HLA-DQB1: variants seen among roughly 807,000 people sequenced by gnomAD.
HLA-DQB1 encodes the protein major histocompatibility complex, class II, DQ beta 1.
A neutral mutation model predicts 26.4 loss-of-function variants in HLA-DQB1; 13 were observed. The observed-to-expected ratio is 0.49, with a 90% CI of 0.32 to 0.78. The LOEUF is 0.78. Among genes scored for constraint, HLA-DQB1 ranks in the 30% least tolerant of loss-of-function variants. HLA-DQB1 has a pLI of 0.03. For missense variants in HLA-DQB1, 158 were observed against 326.2 expected, an observed-to-expected ratio of 0.48 and a Z score of 3.97; for synonymous variants, 60 against 129.1, an observed-to-expected ratio of 0.46 and a Z score of 3.63.
intron 1 of HLA-DQB1, among the ~76,000 whole-genome samples, chr6:32,665,617 C>A (rs9274458): frequency 0.22 from 28,655 of 128,148 alleles, 5,478 homozygotes; most frequent in South Asian, 0.26. Context: ...AGGACCTACA[C>A]CTCTGAGTCC....
At chr6:32,660,781 G>C in intron 4 of HLA-DQB1, 1 of 789,688 alleles carries the variant, frequency 1.3e-6, no homozygotes, top group Non-Finnish European at 2.0e-6. Flanking sequence ...ATGGACCACT[G>C]TGGTCAGGTA....
At chr6:32,665,822 A>C (rs281861399) in intron 1 of HLA-DQB1, among the ~76,000 whole-genome samples, 1 of 61,560 alleles carries the variant, frequency 1.6e-5, no homozygotes, top group African/African-American at 5.2e-5. Context: ...AGTTATATAA[A>C]GTATTGTTCT....
chr6:32,660,648 T>C, intron 4 of HLA-DQB1: 1 of 428,744 alleles, frequency 2.3e-6, no homozygotes, highest in South Asian at 2.9e-5. Flanking sequence ...TGGCTCCACA[T>C]TTCACAAGAA....
chr6:32,660,604 A>C, intron 4 of HLA-DQB1: 1 of 404,602 alleles, frequency 2.5e-6, no homozygotes, highest in Non-Finnish European at 4.4e-6. Flanking sequence ...CAAAGTGGGC[A>C]TCATCCTAGT....
chr6:32,661,976 C>T (rs9273918), exon 3 of HLA-DQB1: 26 of 1,547,114 alleles, frequency 1.7e-5, no homozygotes, highest in South Asian at 2.3e-5. Flanking sequence ...CGCCACTCCA[C>T]GGTGATGGGG....
At chr6:32,662,082 A>G (rs1049130) in exon 3 of HLA-DQB1, 662,509 of 1,325,790 alleles carry the variant, frequency 0.5, 209,468 homozygotes, top group East Asian at 0.8. Flanking sequence ...TCCAGTCACC[A>G]TTCCTAATAA....
At chr6:32,664,487 A>T in intron 2 of HLA-DQB1, 1 of 170,472 alleles carries the variant, frequency 5.9e-6, no homozygotes, top group Non-Finnish European at 1.1e-5. Flanking sequence ...TGCTTAGCGA[A>T]GGTAAGGTAC....
At chr6:32,665,113 C>CCGGCTGCG (rs1554169935) in intron 1 of HLA-DQB1, 46 bp from the exon 2 acceptor site, 4 of 931,880 alleles carry the variant, frequency 4.3e-6, no homozygotes, top group South Asian at 3.7e-5. Context: ...GCCCGGCCGC[C>CCGGCTGCG]CCCGCAGCCG....
At chr6:32,663,570 T>A (rs281874936) in intron 2 of HLA-DQB1, 1 of 111,156 alleles carries the variant, frequency 9.0e-6, no homozygotes, top group African/African-American at 3.4e-5. Context: ...GGTGAGTAAT[T>A]GTGGGCTGAT....
rs750855857 is a variant in HLA-DQB1 at position 32,664,971 on chromosome 6, T to A, written c.206A>T (p.Tyr69Phe). Residue 69 changes from tyrosine to phenylalanine, a missense_variant, in exon 2 of 5, where the codon TAC (tyrosine) becomes TTC (phenylalanine). Physicochemically the swap from Tyr to Phe is conservative, Grantham distance 22. Coordinates refer to ENST00000434651, the Ensembl canonical transcript of HLA-DQB1. Reference sequence around the variant, plus strand: ...CCCCACGTCGCTGTCGAAGCGCGCGTACTCCTCTCGGTTATAGATGTATCT... The same window carrying A: ...CCCCACGTCGCTGTCGAAGCGCGCGAACTCCTCTCGGTTATAGATGTATCT... 3,693 of 1,315,888 alleles carry A rather than the reference T, an allele frequency of 2.8e-3. 90 individuals are homozygous for A. The highest frequency in any genetic ancestry group is 6.8e-3 in the South Asian group (548 of 80,862). The allele number at this position is 1,315,888 out of a possible 1,614,324, so 81.5% of individuals were successfully genotyped here. A position where few individuals can be genotyped will look rare whatever the true frequency, so the allele number is the denominator to read the frequency against.
intron 2 of HLA-DQB1, chr6:32,663,805 C>T (rs281863207): frequency 6.8e-6 from 1 of 146,230 alleles, no homozygotes; most frequent in Admixed American, 6.8e-5. Context: ...CCAAAAGCAA[C>T]CTGAAACTAT....
chr6:32,660,969 A>T, intron 4 of HLA-DQB1: 1 of 723,842 alleles, frequency 1.4e-6, no homozygotes, highest in Non-Finnish European at 2.3e-6. Flanking sequence ...CATGACTTAG[A>T]GTTACATTCT....
chr6:32,666,031 A>G (rs1784077107), intron 1 of HLA-DQB1, among the ~76,000 whole-genome samples: 1 of 112,038 alleles, frequency 8.9e-6, no homozygotes, highest in African/African-American at 3.4e-5. Context: ...GCCTCCACAA[A>G]TGCTCCACTC....
chr6:32,660,732 C>G (rs117488551), intron 4 of HLA-DQB1: 15,574 of 527,210 alleles, frequency 0.03, 2,262 homozygotes, highest in East Asian at 0.19. Context: ...AACTTCTCCC[C>G]TAAGTCTTGA....
Position 32,666,593 on chromosome 6 carries a change from CT to C in HLA-DQB1, c.14del (p.Lys5ArgfsTer11). ...GAAGGTCTCCGGGGATCCGCAAAGC[CT>C]TCTTCCAAGACATAACTGAGACGAA... On this transcript the variant is annotated frameshift_variant, in exon 1 of 5. Transcript: ENST00000434651. LOFTEE classifies it high-confidence loss of function. 8.7e-7 allele frequency: 1 copy of C among 1,143,576 alleles called. No individual in the cohort carries two copies. Among genetic ancestry groups the C allele is most frequent in the Non-Finnish European group, 1.3e-6 (1 of 783,478 alleles). The allele number at this position is 1,143,576 out of a possible 1,614,324, so 70.8% of individuals were successfully genotyped here.
At chr6:32,661,135 GGA>G (rs1471947631) in intron 4 of HLA-DQB1, among the ~76,000 whole-genome samples, 2,089 of 124,988 alleles carry the variant, frequency 0.017, 61 homozygotes, top group African/African-American at 0.026. Context: ...TGAATGGTAA[GGA>G]TGCCCTGGAA....
chr6:32,661,743 G>T (rs9273811), intron 3 of HLA-DQB1: 3 of 485,246 alleles, frequency 6.2e-6, no homozygotes, highest in Non-Finnish European at 1.1e-5. Flanking sequence ...GAGCTATCAG[G>T]ACTGGGATTC....
At chr6:32,666,573 T>C (rs1049057) in exon 1 of HLA-DQB1, 343,360 of 988,882 alleles carry the variant, frequency 0.35, 112,860 homozygotes, top group East Asian at 0.68. Context: ...TACCCGAAGG[T>C]CTCCGGGGAT....
intron 2 of HLA-DQB1, 132 bp downstream of exon 2, chr6:32,664,666 G>A (rs9274354): frequency 1.7e-5 from 3 of 179,130 alleles, no homozygotes; most frequent in Non-Finnish European, 2.0e-5. Flanking sequence ...CCACCCCGCC[G>A]CCGCCTCCTT....
Sources: gnomAD v4.1 joint callset for allele counts (sites outside exome capture counted in the v4.1 genomes callset) on GRCh38, gnomAD v4.1.1 for gene constraint, MANE v1.5 for transcripts, NCBI Gene and HGNC (gene_info 2026-07-23, HGNC 2026-07-21) for gene names.